The following ALOX5AP variants were observed in gnomAD, a reference collection of about 807,000 sequenced individuals.
ALOX5AP encodes arachidonate 5-lipoxygenase activating protein.
Under a neutral mutation model 18.5 loss-of-function variants are expected in ALOX5AP, and 9 were observed. The observed-to-expected ratio is 0.49, with a 90% CI of 0.29 to 0.85. The LOEUF is 0.85. Ranked by LOEUF, ALOX5AP falls within the 40% of genes least tolerant of loss-of-function variation. The pLI is 0.08. For missense variants in ALOX5AP, 172 were observed against 202.5 expected (o/e 0.85, Z 0.91); for synonymous variants, 81 against 78.6 (o/e 1.03, Z -0.16).
At chr13:30,747,301 T>C (rs1158802994) in intron 2 of ALOX5AP, among the ~76,000 whole-genome samples, 1 of 152,218 alleles carries the variant, frequency 6.6e-6, no homozygotes, top group Non-Finnish European at 1.5e-5. Context: ...TTCAGCCTCC[T>C]GAGTAGCTGG....
At chr13:30,730,515 G>A (rs1188282150) in intron 1 of ALOX5AP, among the ~76,000 whole-genome samples, 1 of 152,168 alleles carries the variant, frequency 6.6e-6, no homozygotes, top group Non-Finnish European at 1.5e-5. Context: ...TGTAGACCTG[G>A]GCTGTATCTC....
At chr13:30,763,818 G>T (rs923080402) in intron 4 of ALOX5AP, 126 bp from the exon 5 acceptor site, 6 of 847,882 alleles carry the variant, frequency 7.1e-6, no homozygotes. Context: ...TGGGAAAATG[G>T]AGCATTGTTG....
Position 30,725,993 on chromosome 13 carries a change from T to C in ALOX5AP, c.117-9558T>C, listed in dbSNP as rs569802489. Reference sequence around the variant, plus strand: ...ATATATGATGCTATTTCTCCCATTGTCAGGATTCATGGGTCCAAGAATCAT... The same window carrying C: ...ATATATGATGCTATTTCTCCCATTGCCAGGATTCATGGGTCCAAGAATCAT... On this transcript the variant is annotated intron_variant, in intron 1 of 5. Transcript: ENST00000617770. 3.0e-4 allele frequency among the ~76,000 whole-genome samples: 45 copies of C among 152,366 alleles called. 1 individual carries two copies. The highest frequency in any genetic ancestry group is 3.4e-3 in the Middle Eastern group (1 of 294).
In ALOX5AP at chr13:30,752,129, C is replaced by T; in HGVS notation, c.241+7C>T. On this transcript the variant is annotated splice_region_variant and intron_variant, in intron 3 of 4. Transcript: ENST00000380490. ...GGGCTACTTTGCAGCCAAGGTAACT[C>T]AGACTTCCCTTTGTTCATTCTCCTT... 2.5e-6 allele frequency: 4 copies of T among 1,613,566 alleles called. No homozygotes were observed. The highest frequency in any genetic ancestry group is 3.4e-6 in the Non-Finnish European group (4 of 1,179,476).
intron 1 of ALOX5AP, among the ~76,000 whole-genome samples, chr13:30,742,767 T>A (rs553708118): frequency 6.6e-6 from 1 of 152,156 alleles, no homozygotes; most frequent in South Asian, 2.1e-4. Context: ...TGTGGTTGGA[T>A]CCCTGACAAT....
chr13:30,732,947 A>G (rs1951693104), upstream of ALOX5AP, among the ~76,000 whole-genome samples: 2 of 152,038 alleles, frequency 1.3e-5, no homozygotes, highest in East Asian at 1.9e-4. Context: ...CGAGGTCAGG[A>G]GATCGAGACC....
chr13:30,722,700 T>C (rs546257676), intron 1 of ALOX5AP, among the ~76,000 whole-genome samples: 1 of 152,368 alleles, frequency 6.6e-6, no homozygotes, highest in African/African-American at 2.4e-5. Context: ...TCCCTAATAT[T>C]GGAGGCAGGG....
At chr13:30,733,144 G>A (rs1951694860), upstream of ALOX5AP, among the ~76,000 whole-genome samples, 1 of 131,870 alleles carries the variant, frequency 7.6e-6, no homozygotes. Flanking sequence ...GGGCAACAGA[G>A]CAAGACTCCG....
chr13:30,714,538 C>T (rs2137780938), intron 1 of ALOX5AP, among the ~76,000 whole-genome samples: 1 of 134,900 alleles, frequency 7.4e-6, no homozygotes, highest in East Asian at 2.1e-4. Flanking sequence ...CTGGCTCCTG[C>T]CCAGGAGAGG....
intron 1 of ALOX5AP, among the ~76,000 whole-genome samples, chr13:30,721,258 T>TG (rs1951590958): frequency 6.6e-6 from 1 of 152,224 alleles, no homozygotes; most frequent in Admixed American, 6.5e-5. Context: ...ATGGGTTGTT[T>TG]GGGGGCTATG....
chr13:30,744,245 C>T lies in ALOX5AP; in HGVS notation c.170+86C>T, dbSNP rs555847982. ...GGAGTGATGACCACCCTTAATACCA[C>T]ATGTCTGTCTGAGCCAAGTTTCTGA... On this transcript the variant is annotated intron_variant, in intron 2 of 4. Coordinates refer to ENST00000380490, the MANE Select transcript of ALOX5AP (RefSeq NM_001629.4). 6 of 1,218,450 alleles carry T rather than the reference C, an allele frequency of 4.9e-6. No individual in the cohort carries two copies. In the Admixed American group the frequency reaches 7.8e-5, roughly 16 times the overall value. 75.5% of individuals were successfully genotyped at this position (1,218,450 alleles called of 1,614,324 possible).
intron 1 of ALOX5AP, among the ~76,000 whole-genome samples, chr13:30,729,861 C>T (rs1951667607): frequency 6.6e-6 from 1 of 151,922 alleles, no homozygotes; most frequent in Non-Finnish European, 1.5e-5. Flanking sequence ...TAGGCATGAG[C>T]CACCGTGCCC....
chr13:30,751,255 G>C (rs543080836), intron 2 of ALOX5AP, among the ~76,000 whole-genome samples: 2 of 152,056 alleles, frequency 1.3e-5, no homozygotes, highest in Admixed American at 1.3e-4. Context: ...GTAGAGACAG[G>C]GTTTCACCAT....
chr13:30,729,445 C>T (rs1361253219), intron 1 of ALOX5AP, among the ~76,000 whole-genome samples: 1 of 152,204 alleles, frequency 6.6e-6, no homozygotes, highest in African/African-American at 2.4e-5. Context: ...ATATGGGCAT[C>T]ATGAATTTTA....
intron 1 of ALOX5AP, among the ~76,000 whole-genome samples, chr13:30,726,582 A>G (rs918864913): frequency 9.2e-5 from 14 of 152,256 alleles, no homozygotes; most frequent in African/African-American, 3.4e-4. Flanking sequence ...GAAGGTAGTT[A>G]TAAATGTAAG....
At chr13:30,719,392 C>T (rs529203637) in intron 1 of ALOX5AP, among the ~76,000 whole-genome samples, 12 of 152,228 alleles carry the variant, frequency 7.9e-5, no homozygotes, top group South Asian at 4.1e-4. Flanking sequence ...ATCTGAGGAC[C>T]GGGATAATCA....
intron 1 of ALOX5AP, among the ~76,000 whole-genome samples, chr13:30,722,755 C>T (rs908131525): frequency 3.9e-5 from 6 of 152,192 alleles, no homozygotes; most frequent in Admixed American, 1.3e-4. Flanking sequence ...GGCTTGGTGC[C>T]GTTCTCACAG....
intron 1 of ALOX5AP, among the ~76,000 whole-genome samples, chr13:30,738,114 C>T (rs1951734942): frequency 6.6e-6 from 1 of 152,204 alleles, no homozygotes. Flanking sequence ...GCACTGTACA[C>T]AGTCTGTGTC....
chr13:30,756,515 T>C (rs892630360), intron 4 of ALOX5AP, among the ~76,000 whole-genome samples: 7 of 152,156 alleles, frequency 4.6e-5, no homozygotes, highest in Non-Finnish European at 8.8e-5. Flanking sequence ...TGCAGTAAGA[T>C]GCAGACATGA....
Sources: allele counts gnomAD v4.1 joint callset (sites outside exome capture counted in the v4.1 genomes callset), GRCh38; gene constraint gnomAD v4.1.1; transcripts MANE v1.5; gene names NCBI Gene and HGNC (gene_info 2026-07-23, HGNC 2026-07-21).